Variants in TNMD observed in about 807,000 individuals in gnomAD.
TNMD encodes the protein BRICHOS domain containing 4.
In TNMD, 15 loss-of-function variants were observed where a neutral mutation model predicts 26.9. The observed-to-expected ratio is 0.56, with a 90% CI of 0.37 to 0.86. The LOEUF is 0.86. Ranked by LOEUF, TNMD falls within the 40% of genes least tolerant of loss-of-function variation. The pLI, the probability that TNMD is intolerant of heterozygous loss-of-function variation, is 0.00. For synonymous variants in TNMD, 73 were observed against 77.0 expected (o/e 0.95, Z 0.27); for missense variants, 222 against 242.6 (o/e 0.92, Z 0.56).
intron 2 of TNMD, among the ~76,000 whole-genome samples, chrX:100,592,740 G>C (rs191559241): frequency 2.7e-5 from 3 of 112,489 alleles, no homozygotes; most frequent in African/African-American, 9.7e-5. Flanking sequence ...GGCATCAGCA[G>C]AGACTAAAAA....
chrX:100,595,591 G>T (rs746202205), intron 4 of TNMD, among the ~76,000 whole-genome samples: 1 of 109,426 alleles, frequency 9.1e-6, no homozygotes, highest in Non-Finnish European at 1.9e-5. Context: ...ATTTGGGGGC[G>T]GTGGGTGGGG....
chrX:100,598,283 TC>T (rs1394753707), intron 5 of TNMD, among the ~76,000 whole-genome samples: 1 of 111,345 alleles, frequency 9.0e-6, no homozygotes, highest in South Asian at 3.9e-4. Flanking sequence ...CATAGATTAC[TC>T]TATTACCCAA....
Position 100,599,676 on chromosome X carries a change from C to A in TNMD, c.913C>A (p.Pro305Thr). 1 of 1,211,542 alleles carries A rather than the reference C, an allele frequency of 8.3e-7. No individual in the cohort carries two copies. The highest frequency in any genetic ancestry group is 1.1e-6 in the Non-Finnish European group (1 of 895,491). Reference sequence around the variant, plus strand: ...ACGAGTCATCTGTCGTGTCATCATGCCTTGTAACTGGTGGGTGGCCCGCAT... The same window carrying A: ...ACGAGTCATCTGTCGTGTCATCATGACTTGTAACTGGTGGGTGGCCCGCAT... ...GGRVICRVIM[P>T]CNWWVARMLG... The change falls in exon 7 of 7, where the codon CCT becomes ACT. Residue 305 changes from proline (P) to threonine (T), a missense_variant. Transcript: ENST00000373031.
At chrX:100,588,696 C>T (rs910251670) in intron 2 of TNMD, among the ~76,000 whole-genome samples, 6 of 112,153 alleles carry the variant, frequency 5.3e-5, no homozygotes, top group African/African-American at 1.9e-4. Flanking sequence ...ATGAAGCAAA[C>T]AAATCAGAAA....
At chrX:100,590,470 G>A (rs1249282741) in intron 2 of TNMD, among the ~76,000 whole-genome samples, 1 of 112,260 alleles carries the variant, frequency 8.9e-6, no homozygotes, top group Non-Finnish European at 1.9e-5. Flanking sequence ...CTGCCACAGA[G>A]GCAAGAAAAC....
chrX:100,586,014 G>A (rs1251336417), intron 2 of TNMD, among the ~76,000 whole-genome samples: 1 of 111,878 alleles, frequency 8.9e-6, no homozygotes, highest in East Asian at 2.8e-4. Context: ...CTGATACTGG[G>A]GTCATTTGGT....
intron 5 of TNMD, 111 bp from the exon 6 acceptor site, chrX:100,598,905 C>A: frequency 1.7e-6 from 1 of 595,263 alleles, no homozygotes; most frequent in Non-Finnish European, 2.5e-6. Flanking sequence ...TAAATGATGC[C>A]AGTTAGAAGA....
Position 100,592,923 on chromosome X carries a change from AGAGAT to A in TNMD, c.181-971_181-967del, listed in dbSNP as rs760124492. Among the ~76,000 whole-genome samples, 254 of 112,279 alleles carry A rather than the reference AGAGAT, an allele frequency of 2.3e-3. 2 individuals are homozygous for A. The highest frequency in any genetic ancestry group is 7.8e-3 in the African/African-American group (240 of 30,924). On this transcript the variant is annotated intron_variant, in intron 2 of 6. Coordinates refer to ENST00000373031, the MANE Select transcript of TNMD (RefSeq NM_022144.3). ...CGATAAACAAAGGTCTCCTAATGAC[AGAGAT>A]AAGATAGACTTCCAAAAGGCATCAT...
rs1178704270 is a variant in TNMD, at chrX:100,599,694, G to C, written c.931G>C (p.Ala311Pro). ...CATCATGCCTTGTAACTGGTGGGTGGCCCGCATGCTGGGGAGGGTCTAATA... is the reference window on the plus strand; with the variant it reads ...CATCATGCCTTGTAACTGGTGGGTGCCCCGCATGCTGGGGAGGGTCTAATA... ...RVIMPCNWWV[A>P]RMLGRV Residue 311 changes from alanine to proline, a missense_variant, in exon 7 of 7, where the codon GCC becomes CCC. By Grantham distance (27) the Ala-to-Pro change is conservative. Coordinates refer to ENST00000373031, the MANE Select transcript of TNMD (RefSeq NM_022144.3). The C allele has an allele frequency of 8.3e-6, 10 of 1,211,483 alleles. No individual in the cohort carries two copies. Among genetic ancestry groups the C allele is most frequent in the Non-Finnish European group, 1.0e-5 (9 of 895,411 alleles).
intron 5 of TNMD, 120 bp downstream of exon 5, chrX:100,597,777 G>A: frequency 1.3e-6 from 1 of 763,685 alleles, no homozygotes; most frequent in Non-Finnish European, 1.9e-6. Context: ...CTTCTTGGAT[G>A]AGTCTATATA....
At chrX:100,587,334 C>T (rs1430688704) in intron 2 of TNMD, among the ~76,000 whole-genome samples, 1 of 112,162 alleles carries the variant, frequency 8.9e-6, no homozygotes, top group Admixed American at 9.4e-5. Flanking sequence ...CAAAATAAAA[C>T]TTGGTCAGTG....
chrX:100,592,410 G>C (rs2082940372), intron 2 of TNMD, among the ~76,000 whole-genome samples: 1 of 112,396 alleles, frequency 8.9e-6, no homozygotes, highest in Admixed American at 9.4e-5. Flanking sequence ...TTGCCAGAGA[G>C]TTCTAAGTAT....
intron 2 of TNMD, among the ~76,000 whole-genome samples, chrX:100,591,092 A>G (rs867036850): frequency 1.8e-5 from 2 of 111,698 alleles, no homozygotes; most frequent in South Asian, 7.6e-4. Flanking sequence ...GGGAAGAGAA[A>G]GGGGAAGGGC....
At chrX:100,593,403 G>A (rs908937624) in intron 2 of TNMD, 3 of 744,779 alleles carry the variant, frequency 4.0e-6, no homozygotes, top group South Asian at 6.9e-5. Flanking sequence ...ACAGAGCAGG[G>A]TAGGGCTCTA....
chrX:100,585,124 A>C, intron 1 of TNMD, 58 bp downstream of exon 1: 1 of 1,183,576 alleles, frequency 8.4e-7, no homozygotes, highest in Non-Finnish European at 1.1e-6. Context: ...CAGATTTATC[A>C]TATTGCAAAG....
intron 3 of TNMD, 79 bp from the exon 4 acceptor site, chrX:100,594,182 C>A: frequency 1.0e-6 from 1 of 968,319 alleles, no homozygotes; most frequent in African/African-American, 2.0e-5. Context: ...TTTTGCTAGT[C>A]TGGGACCCCA....
chrX:100,593,758 G>C, intron 2 of TNMD, 137 bp from the exon 3 acceptor site: 1 of 633,265 alleles, frequency 1.6e-6, no homozygotes, highest in East Asian at 3.6e-5. Context: ...GGAATTCTTA[G>C]TAATTAGCTC....
rs1357216513 is a variant in TNMD at position 100,594,351 on chromosome X, G to A, written c.412G>A (p.Glu138Lys). Residue 138 changes from glutamate to lysine, a missense_variant, in exon 4 of 7, where the codon GAA becomes AAA. Physicochemically the swap from Glu to Lys is moderately conservative, Grantham distance 56. Coordinates refer to ENST00000373031, the MANE Select transcript of TNMD (RefSeq NM_022144.3). The stretch of plus-strand genomic sequence containing the variant: ...TCCTGAATTTTCTGAACCAGAAGAG[G>A]AAATAGATGAGGTATGTAAGAAGAA... Reference protein sequence around the residue: ...VIPEFSEPEEEIDENEEITTT... With the variant: ...VIPEFSEPEEKIDENEEITTT... The A allele has an allele frequency of 2.6e-6, 3 of 1,161,849 alleles. No homozygotes were observed. The highest frequency in any genetic ancestry group is 4.5e-5 in the Admixed American group (2 of 44,171).
intron 2 of TNMD, 62 bp downstream of exon 2, chrX:100,585,424 AG>A: frequency 9.8e-7 from 1 of 1,023,552 alleles, no homozygotes; most frequent in Non-Finnish European, 1.3e-6. Context: ...TTTAATTAGT[AG>A]GCATATAAAT....
Sources: allele counts gnomAD v4.1 joint callset (sites outside exome capture counted in the v4.1 genomes callset), GRCh38; gene constraint gnomAD v4.1.1; transcripts MANE v1.5; gene names NCBI Gene and HGNC (gene_info 2026-07-23, HGNC 2026-07-21).